The following DNER variants were observed in gnomAD, a reference collection of about 807,000 sequenced individuals.
DNER encodes the protein delta and Notch-like epidermal growth factor-related receptor.
In DNER, 33 loss-of-function variants were observed where a neutral mutation model predicts 78.2. The ratio of observed to expected loss-of-function variants is 0.42; its 90% CI spans 0.32 to 0.56. The LOEUF (loss-of-function observed/expected upper bound fraction) is 0.56. Ranked by LOEUF, DNER falls within the 20% of genes least tolerant of loss-of-function variation. DNER has a pLI of 0.11. For missense variants in DNER, 918 were observed against 975.3 expected (o/e 0.94, Z 0.78); for synonymous variants, 417 against 384.8 (o/e 1.08, Z -0.98).
intron 1 of DNER, among the ~76,000 whole-genome samples, chr2:229,609,887 A>G (rs1316682384): frequency 1.3e-5 from 2 of 152,212 alleles, no homozygotes; most frequent in Non-Finnish European, 2.9e-5. Flanking sequence ...TATTTTTACT[A>G]TGTTCTTCTT....
intron 4 of DNER, among the ~76,000 whole-genome samples, chr2:229,547,427 T>G (rs184451500): frequency 6.6e-6 from 1 of 152,162 alleles, no homozygotes; most frequent in African/African-American, 2.4e-5. Flanking sequence ...CTCAATCCCA[T>G]CCCTGTGCTG....
At chr2:229,586,905 G>A (rs1697513237) in intron 3 of DNER, 1 of 985,364 alleles carries the variant, frequency 1.0e-6, no homozygotes, top group African/African-American at 1.7e-5. Flanking sequence ...GCTTTGATCA[G>A]TGACTAAATT....
intron 7 of DNER, among the ~76,000 whole-genome samples, chr2:229,451,347 C>A (rs567184225): frequency 1.3e-5 from 2 of 152,288 alleles, no homozygotes; most frequent in Non-Finnish European, 2.9e-5. Flanking sequence ...ATCCCAGCTA[C>A]TGGGGAGGCT....
At chr2:229,693,928 T>C (rs1462547549) in intron 1 of DNER, among the ~76,000 whole-genome samples, 2 of 152,218 alleles carry the variant, frequency 1.3e-5, no homozygotes, top group African/African-American at 4.8e-5. Flanking sequence ...CTCCAGGGCA[T>C]GTCAGAGACC....
chr2:229,469,088 G>T (rs1483472835), intron 7 of DNER, among the ~76,000 whole-genome samples: 1 of 152,176 alleles, frequency 6.6e-6, no homozygotes, highest in African/African-American at 2.4e-5. Flanking sequence ...TTATTGTCAG[G>T]ACAGTTTTGA....
At chr2:229,664,486 AAAT>A (rs973409343) in intron 1 of DNER, among the ~76,000 whole-genome samples, 4 of 152,068 alleles carry the variant, frequency 2.6e-5, no homozygotes, top group Non-Finnish European at 5.9e-5. Flanking sequence ...CTGTATTTAA[AAAT>A]AATAATAATA....
chr2:229,701,583 A>G (rs1397918425), intron 1 of DNER, among the ~76,000 whole-genome samples: 1 of 152,248 alleles, frequency 6.6e-6, no homozygotes, highest in Non-Finnish European at 1.5e-5. Flanking sequence ...CAGAAGTCCC[A>G]TGTATTCAAC....
intron 1 of DNER, among the ~76,000 whole-genome samples, chr2:229,602,244 C>T (rs532402060): frequency 2.0e-5 from 3 of 152,258 alleles, no homozygotes; most frequent in African/African-American, 7.2e-5. Flanking sequence ...ATTGTATGAT[C>T]ATCTCAACCA....
chr2:229,614,418 T>C (rs1045061324), intron 1 of DNER, among the ~76,000 whole-genome samples: 3 of 152,174 alleles, frequency 2.0e-5, no homozygotes, highest in Non-Finnish European at 4.4e-5. Flanking sequence ...TGTTCGTTTC[T>C]CAAGTCACCC....
intron 9 of DNER, among the ~76,000 whole-genome samples, chr2:229,417,420 G>C (rs925789601): frequency 6.6e-6 from 1 of 152,184 alleles, no homozygotes; most frequent in Non-Finnish European, 1.5e-5. Context: ...CTGATAAATA[G>C]GTTCTCCTGG....
chr2:229,600,014 C>G (rs911679435), intron 1 of DNER, among the ~76,000 whole-genome samples: 4 of 152,296 alleles, frequency 2.6e-5, no homozygotes, highest in African/African-American at 9.6e-5. Context: ...AGTCAGGGAA[C>G]TTTTAAAACA....
chr2:229,635,735 T>C (rs918821735), intron 1 of DNER, among the ~76,000 whole-genome samples: 1 of 152,214 alleles, frequency 6.6e-6, no homozygotes, highest in South Asian at 2.1e-4. Flanking sequence ...TTCCTAAATA[T>C]GCTGGGAAAT....
At chr2:229,442,860 CA>C (rs372328677) in intron 8 of DNER, among the ~76,000 whole-genome samples, 16 of 148,114 alleles carry the variant, frequency 1.1e-4, no homozygotes, top group African/African-American at 2.5e-4. Context: ...GTAGAAAATA[CA>C]AAAAAAAAAT....
chr2:229,366,178 C>T (rs1308424221), intron 12 of DNER, among the ~76,000 whole-genome samples: 1 of 152,080 alleles, frequency 6.6e-6, no homozygotes, highest in Non-Finnish European at 1.5e-5. Flanking sequence ...GAACTTAAAA[C>T]AAAAGTTGAA....
At chr2:229,646,493 T>A (rs994533210) in intron 1 of DNER, among the ~76,000 whole-genome samples, 1 of 152,256 alleles carries the variant, frequency 6.6e-6, no homozygotes, top group Non-Finnish European at 1.5e-5. Context: ...TGCTTGTGTA[T>A]GCAGTTGTGC....
At chr2:229,694,493 C>A (rs1699632580) in intron 1 of DNER, among the ~76,000 whole-genome samples, 1 of 152,106 alleles carries the variant, frequency 6.6e-6, no homozygotes, top group African/African-American at 2.4e-5. Flanking sequence ...GAAGAGGGGG[C>A]TATACCCTGC....
At chr2:229,491,146 T>C (rs1264827819) in intron 6 of DNER, among the ~76,000 whole-genome samples, 1 of 152,186 alleles carries the variant, frequency 6.6e-6, no homozygotes, top group East Asian at 1.9e-4. Context: ...TCATAGGTTC[T>C]CTCGGGCACT....
intron 1 of DNER, among the ~76,000 whole-genome samples, chr2:229,615,701 G>A (rs1559183749): frequency 6.6e-6 from 1 of 151,938 alleles, no homozygotes; most frequent in Non-Finnish European, 1.5e-5. Context: ...AACAAAGCAA[G>A]ACTCTGTCTC....
At chr2:229,684,161 A>AGTGTGT (rs1559208329) in intron 1 of DNER, among the ~76,000 whole-genome samples, 15 of 135,246 alleles carry the variant, frequency 1.1e-4, no homozygotes, top group African/African-American at 4.4e-4. Flanking sequence ...AGAGAGAGAG[A>AGTGTGT]GAGAGAGAGT....
Sources: allele counts gnomAD v4.1 joint callset (sites outside exome capture counted in the v4.1 genomes callset), GRCh38; gene constraint gnomAD v4.1.1; transcripts MANE v1.5; gene names NCBI Gene and HGNC (gene_info 2026-07-23, HGNC 2026-07-21).